The following IQSEC1 variants were observed in gnomAD, a reference collection of about 807,000 sequenced individuals.
IQSEC1 encodes IQ motif and SEC7 domain-containing protein 1.
IQSEC1 carries 31 observed loss-of-function variants against 91.0 expected under a neutral mutation model. The observed-to-expected ratio is 0.34, with a 90% CI of 0.26 to 0.46. The LOEUF (loss-of-function observed/expected upper bound fraction) is 0.46. Among genes scored for constraint, IQSEC1 ranks in the 20% least tolerant of loss-of-function variants. The pLI is 1.00. For synonymous variants in IQSEC1, 699 were observed against 662.6 expected, an observed-to-expected ratio of 1.05 and a Z score of -0.84; for missense variants, 1,388 against 1,575.6, an observed-to-expected ratio of 0.88 and a Z score of 2.02.
intron 1 of IQSEC1, among the ~76,000 whole-genome samples, chr3:13,010,445 C>T (rs988223874): frequency 6.6e-6 from 1 of 152,132 alleles, no homozygotes; most frequent in African/African-American, 2.4e-5. Flanking sequence ...CATGGAGAGT[C>T]GATTCTGTCA....
chr3:12,902,670 C>CAAAAAAAAAAAAAAAAAAAAAAAAACAAA lies in IQSEC1; in HGVS notation c.2805+102_2805+103insTTTGTTTTTTTTTTTTTTTTTTTTTTTTT, dbSNP rs1213830618. 2.8e-4 allele frequency: 53 copies of CAAAAAAAAAAAAAAAAAAAAAAAAACAAA among 192,594 alleles called. 1 individual carries two copies. Among genetic ancestry groups the CAAAAAAAAAAAAAAAAAAAAAAAAACAAA allele is most frequent in the Non-Finnish European group, 3.6e-4 (40 of 110,788 alleles). The allele number at this position is 192,594 out of a possible 1,614,324, so 11.9% of individuals were successfully genotyped here. A position where few individuals can be genotyped will look rare whatever the true frequency, so the allele number is the denominator to read the frequency against. On this transcript the variant is annotated intron_variant, in intron 13 of 13. Transcript: ENST00000613206. Reference sequence around the variant, plus strand: ...AAAAAAAAAACAACAAAAAAAAAACCAAAAAAAAAAAAAAAAAAAAAAAAC... The same window carrying CAAAAAAAAAAAAAAAAAAAAAAAAACAAA: ...AAAAAAAAAACAACAAAAAAAAAACCAAAAAAAAAAAAAAAAAAAAAAAAACAAAAAAAAAAAAAAAAAAAAAAAAAAAC...
At chr3:13,276,858 C>G in intron 1 of IQSEC1, among the ~76,000 whole-genome samples, 1 of 152,072 alleles carries the variant, frequency 6.6e-6, no homozygotes, top group Non-Finnish European at 1.5e-5. Flanking sequence ...TTGGTTGCAG[C>G]CTGGCCCGGG....
intron 2 of IQSEC1, among the ~76,000 whole-genome samples, chr3:13,118,358 A>G (rs1576258299): frequency 6.6e-6 from 1 of 152,358 alleles, no homozygotes; most frequent in East Asian, 1.9e-4. Flanking sequence ...ATGTTTGCAC[A>G]CACATGTTCA....
Position 13,218,868 on chromosome 3 carries a change from G to A in IQSEC1, c.273-54735C>T, listed in dbSNP as rs141475530. Among the ~76,000 whole-genome samples the A allele has an allele frequency of 3.3e-3, 501 of 152,184 alleles. 5 individuals are homozygous for A. Among genetic ancestry groups the A allele is most frequent in the African/African-American group, 0.011 (472 of 41,524 alleles). ...AACCTGGAGGAAGGAGGGCAGCCCC[G>A]GCCGCCACCTCTACCCCCAGAGGCT... On this transcript the variant is annotated intron_variant, in intron 1 of 15. Coordinates refer to the IQSEC1 transcript ENST00000648114.
rs1215770480 is a variant in IQSEC1 at position 13,137,857 on chromosome 3, C to T, written c.302+26247G>A. Among the ~76,000 whole-genome samples the T allele has an allele frequency of 1.1e-4, 16 of 152,248 alleles. No individual in the cohort carries two copies. In the East Asian group the frequency reaches 3.1e-3, roughly 29 times the overall value. ...TAAAAATAATAATAATAATAAAATGCACATATATAATATGCAGAACACATT... is the reference window on the plus strand; with the variant it reads ...TAAAAATAATAATAATAATAAAATGTACATATATAATATGCAGAACACATT... On this transcript the variant is annotated intron_variant, in intron 2 of 15. Coordinates refer to the IQSEC1 transcript ENST00000648114.
At chr3:13,224,313 T>G (rs1694715741) in intron 1 of IQSEC1, among the ~76,000 whole-genome samples, 1 of 151,878 alleles carries the variant, frequency 6.6e-6, no homozygotes, top group Non-Finnish European at 1.5e-5. Context: ...CCACACCCAA[T>G]TATCAGGCCC....
At chr3:13,061,382 A>T (rs1006511194) in intron 1 of IQSEC1, among the ~76,000 whole-genome samples, 3 of 152,244 alleles carry the variant, frequency 2.0e-5, no homozygotes, top group African/African-American at 7.2e-5. Flanking sequence ...AGGCAGTTTT[A>T]AAAAATATCT....
rs1693948376 is a variant in IQSEC1, at chr3:12,899,119, T to C, written c.*1864A>G. On this transcript the variant is annotated 3_prime_UTR_variant, in exon 14 of 14. Transcript: ENST00000613206. ...CTGGAGATTAACAAAGTGCTTGGTT[T>C]GCAGATTTGCTGGTACGGTGATCTC... is the stretch of plus-strand genomic sequence containing the variant. The C allele has an allele frequency of 1.9e-6, 1 of 524,148 alleles. No individual in the cohort carries two copies. Among genetic ancestry groups the C allele is most frequent in the Admixed American group, 3.3e-5 (1 of 30,024 alleles). 32.5% of individuals were successfully genotyped at this position (524,148 alleles called of 1,614,324 possible).
At chr3:12,985,915 GAC>G (rs1185700036) in intron 1 of IQSEC1, among the ~76,000 whole-genome samples, 2 of 152,186 alleles carry the variant, frequency 1.3e-5, no homozygotes, top group Admixed American at 6.5e-5. Flanking sequence ...AAAAGAAAGA[GAC>G]AGGAGCTCAG....
intron 6 of IQSEC1, among the ~76,000 whole-genome samples, chr3:12,918,819 CTAAA>C (rs939513862): frequency 2.0e-5 from 3 of 152,080 alleles, no homozygotes; most frequent in East Asian, 3.8e-4. Context: ...AAGACCATGT[CTAAA>C]TAAATAAATA....
intron 1 of IQSEC1, among the ~76,000 whole-genome samples, chr3:13,234,886 T>C (rs892470923): frequency 2.0e-5 from 3 of 152,226 alleles, no homozygotes; most frequent in Non-Finnish European, 4.4e-5. Context: ...TCTCCCTGAC[T>C]GTACACACAG....
chr3:13,154,130 C>A (rs1167313102), intron 2 of IQSEC1, among the ~76,000 whole-genome samples: 1 of 151,946 alleles, frequency 6.6e-6, no homozygotes, highest in African/African-American at 2.4e-5. Context: ...CCCCACAACA[C>A]TCCCACCCTG....
intron 1 of IQSEC1, among the ~76,000 whole-genome samples, chr3:13,231,072 A>G (rs1421875198): frequency 2.6e-5 from 4 of 152,172 alleles, no homozygotes. Flanking sequence ...TTTTGTTTCA[A>G]TTTTAGCAGA....
At chr3:12,998,516 C>T (rs938584114) in intron 1 of IQSEC1, among the ~76,000 whole-genome samples, 2 of 151,884 alleles carry the variant, frequency 1.3e-5, no homozygotes, top group Non-Finnish European at 2.9e-5. Context: ...CCAGGTGTGG[C>T]AACTCTTACC....
Position 12,908,297 on chromosome 3 carries a change from C to T in IQSEC1, c.2755+52G>A, listed in dbSNP as rs1242415163. On this transcript the variant is annotated intron_variant, in intron 12 of 13. Coordinates refer to ENST00000613206, the MANE Select transcript of IQSEC1 (RefSeq NM_001134382.3). The surrounding 1 kb of genome is among the most constrained non-coding windows in gnomAD (Gnocchi z 4.9). ...CATGCCCTGAATGCAGACGCCCTGC[C>T]TCGGTCTTGCATGCGCTGGGCTAGC... 5.6e-5 allele frequency: 89 copies of T among 1,585,256 alleles called. No homozygotes were observed. In the East Asian group the frequency reaches 1.9e-3, roughly 34 times the overall value.
intron 1 of IQSEC1, among the ~76,000 whole-genome samples, chr3:12,989,582 G>C (rs1576123527): frequency 6.6e-6 from 1 of 152,114 alleles, no homozygotes; most frequent in East Asian, 1.9e-4. Flanking sequence ...GCACCCCTAG[G>C]ATCACTGAAC....
chr3:12,942,007 G>A, intron 1 of IQSEC1, 142 bp from the exon 2 acceptor site: 1 of 763,314 alleles, frequency 1.3e-6, no homozygotes, highest in Non-Finnish European at 2.0e-6. Context: ...GTCCACATGT[G>A]CAGCTGGCAG....
At chr3:13,256,577 C>G (rs1324750521) in intron 1 of IQSEC1, among the ~76,000 whole-genome samples, 1 of 152,132 alleles carries the variant, frequency 6.6e-6, no homozygotes. Context: ...AGAGCCACAC[C>G]CTCCTGAGCT....
intron 1 of IQSEC1, among the ~76,000 whole-genome samples, chr3:13,179,102 G>A (rs559945057): frequency 2.4e-4 from 37 of 152,248 alleles, no homozygotes; most frequent in Non-Finnish European, 4.1e-4. Context: ...GTCAGTTAGG[G>A]AGATGGATTT....
Sources: allele counts gnomAD v4.1 joint callset (sites outside exome capture counted in the v4.1 genomes callset), GRCh38; gene constraint gnomAD v4.1.1; non-coding constraint Gnocchi (gnomAD v3.1); transcripts MANE v1.5; gene names NCBI Gene and HGNC (gene_info 2026-07-23, HGNC 2026-07-21).